ACTN2: variants seen among roughly 807,000 people sequenced by gnomAD.
The protein encoded by ACTN2 is actinin alpha 2.
Under a neutral mutation model 113.8 loss-of-function variants are expected in ACTN2, and 39 were observed. The observed-to-expected ratio is 0.34, with a 90% CI of 0.27 to 0.45. The LOEUF (loss-of-function observed/expected upper bound fraction) is 0.45. Among genes scored for constraint, ACTN2 ranks in the 20% least tolerant of loss-of-function variants. ACTN2 has a pLI of 1.00. For synonymous variants in ACTN2, 429 were observed against 444.1 expected (o/e 0.97, Z 0.43); for missense variants, 992 against 1,177.9 (o/e 0.84, Z 2.31).
intron 1 of ACTN2, among the ~76,000 whole-genome samples, chr1:236,716,099 C>CTTTTT (rs74259944): frequency 1.7e-5 from 2 of 118,134 alleles, no homozygotes; most frequent in Non-Finnish European, 3.5e-5. Context: ...CCTTCTTCTT[C>CTTTTT]TTTTTTTTTT....
rs2102954396 is a variant in ACTN2, at chr1:236,762,914, A to G, written c.*295A>G. ...GAACAAATTACTTGAGTAATAGGAA[A>G]TTAGGAGGATCTAGGGACAGAAGGA... On this transcript the variant is annotated 3_prime_UTR_variant, in exon 21 of 21. Transcript: ENST00000366578. 2.5e-6 allele frequency: 1 copy of G among 403,060 alleles called. No individual in the cohort carries two copies. Among genetic ancestry groups the G allele is most frequent in the South Asian group, 2.2e-5 (1 of 44,970 alleles). 25.0% of individuals were successfully genotyped at this position (403,060 alleles called of 1,614,324 possible).
At chr1:236,725,317 G>A (rs1658516110) in intron 4 of ACTN2, among the ~76,000 whole-genome samples, 1 of 152,112 alleles carries the variant, frequency 6.6e-6, no homozygotes, top group Non-Finnish European at 1.5e-5. Flanking sequence ...ACACAATGGG[G>A]TATACACAGT....
intron 1 of ACTN2, among the ~76,000 whole-genome samples, chr1:236,695,425 AAAAG>A: frequency 6.6e-6 from 1 of 151,750 alleles, no homozygotes; most frequent in South Asian, 2.1e-4. Flanking sequence ...AAAAAAAAAA[AAAAG>A]AACATCAATA....
intron 1 of ACTN2, among the ~76,000 whole-genome samples, chr1:236,703,434 T>A (rs76243832): frequency 0.022 from 1,861 of 86,024 alleles, 26 homozygotes; most frequent in African/African-American, 0.059. Flanking sequence ...GCCTACTACC[T>A]TTTTTTTTTT....
At chr1:236,686,865 C>T in intron 1 of ACTN2, 66 bp downstream of exon 1, 2 of 1,299,720 alleles carry the variant, frequency 1.5e-6, no homozygotes, top group Non-Finnish European at 2.0e-6. Context: ...CTCCCGTGCG[C>T]GTGGCCGCGT....
At chr1:236,715,830 C>T (rs1046735541) in intron 1 of ACTN2, among the ~76,000 whole-genome samples, 3 of 152,138 alleles carry the variant, frequency 2.0e-5, no homozygotes, top group Non-Finnish European at 4.4e-5. Flanking sequence ...GTGGCAGGCA[C>T]CTGTATTCCT....
At chr1:236,751,437 C>T (rs763350460) in intron 14 of ACTN2, 33 bp from the exon 15 acceptor site, 2 of 1,610,144 alleles carry the variant, frequency 1.2e-6, no homozygotes, top group Non-Finnish European at 1.7e-6. Flanking sequence ...ACTCAAGCCA[C>T]ATTGTTTTTC....
At chr1:236,742,863 A>G in intron 10 of ACTN2, 33 bp from the exon 11 acceptor site, 1 of 1,614,144 alleles carries the variant, frequency 6.2e-7, no homozygotes, top group East Asian at 2.2e-5. Flanking sequence ...TGCTTGTTAC[A>G]CATTTGCTTC....
chr1:236,746,389 G>A (rs1659239673), intron 12 of ACTN2, among the ~76,000 whole-genome samples: 1 of 151,998 alleles, frequency 6.6e-6, no homozygotes, highest in Admixed American at 6.6e-5. Flanking sequence ...TATCCCTGGA[G>A]GTACTGGGTT....
intron 18 of ACTN2, 95 bp from the exon 19 acceptor site, chr1:236,759,629 A>C (rs1315548332): frequency 2.9e-6 from 3 of 1,049,828 alleles, no homozygotes; most frequent in East Asian, 4.8e-5. Flanking sequence ...CAGAGCTCAA[A>C]GTGCTTCTCT....
intron 1 of ACTN2, among the ~76,000 whole-genome samples, chr1:236,709,071 A>G: frequency 6.6e-6 from 1 of 151,582 alleles, no homozygotes; most frequent in African/African-American, 2.4e-5. Context: ...CATTTTTAGA[A>G]CAGCAGTTTA....
intron 13 of ACTN2, 31 bp from the exon 14 acceptor site, chr1:236,749,093 A>G (rs1418510507): frequency 1.9e-6 from 3 of 1,613,218 alleles, no homozygotes; most frequent in Non-Finnish European, 2.5e-6. Flanking sequence ...TAATTAGTCT[A>G]TGATAATGCT....
intron 6 of ACTN2, among the ~76,000 whole-genome samples, chr1:236,730,626 T>C (rs1028806981): frequency 7.9e-5 from 12 of 152,210 alleles, no homozygotes; most frequent in Admixed American, 4.6e-4. Context: ...TTTGCTATGT[T>C]ATGTATATTT....
intron 5 of ACTN2, 51 bp from the exon 6 acceptor site, chr1:236,727,627 C>T: frequency 6.3e-7 from 1 of 1,595,990 alleles, no homozygotes; most frequent in Non-Finnish European, 8.6e-7. Context: ...ATGCTGGCTG[C>T]TTCTTTCTCT....
chr1:236,762,627 C>T lies in ACTN2; in HGVS notation c.*8C>T, dbSNP rs750971577. On this transcript the variant is annotated 3_prime_UTR_variant, in exon 21 of 21. Transcript: ENST00000366578. ...GGGGAGAGCGATCTGTGATGCTGAG[C>T]TTCTGTAATCACTCATCCCATCAGA... The T allele has an allele frequency of 5.6e-6, 9 of 1,613,442 alleles. No homozygotes were observed. Among genetic ancestry groups the T allele is most frequent in the Admixed American group, 3.3e-5 (2 of 59,954 alleles).
Position 236,739,465 on chromosome 1 carries a change from C to T in ACTN2, c.1040C>T (p.Thr347Met), listed in dbSNP as rs727504590. 9.2e-5 allele frequency: 148 copies of T among 1,614,200 alleles called. No homozygotes were observed. The East Asian group carries it at 1.9e-3, about 21-fold the overall frequency. The change falls in exon 10 of 21, where the codon ACG becomes ATG. Residue 347 changes from threonine to methionine, a missense_variant. Transcript: ENST00000366578. ...TGCCAGCTGGAGATCAACTTCAACA[C>T]GCTGCAGACCAAGCTGCGGATCAGC... is the stretch of plus-strand genomic sequence containing the variant. ...EKCQLEINFNTLQTKLRISNR... is the reference protein window; with the variant it reads ...EKCQLEINFNMLQTKLRISNR...
rs199910162 is a variant in ACTN2 at position 236,717,885 on chromosome 1, C to A, written c.154C>A (p.Leu52Ile). ...KTFTAWCNSH[L>I]RKAGTQIENI... ...CTTCACTGCCTGGTGTAACTCCCAC[C>A]TAAGGAAAGCCGGCACCCAGATTGA... The change falls in exon 2 of 21, where the codon CTA becomes ATA. Residue 52 changes from leucine (L) to isoleucine (I), a missense_variant. Leu to Ile is a conservative substitution (Grantham distance 5). Transcript: ENST00000366578. 6.2e-7 allele frequency: 1 copy of A among 1,613,974 alleles called. No individual in the cohort carries two copies. Among genetic ancestry groups the A allele is most frequent in the Admixed American group, 1.7e-5 (1 of 59,984 alleles).
chr1:236,736,693 G>T (rs762123899), intron 8 of ACTN2: 54 of 1,435,092 alleles, frequency 3.8e-5, no homozygotes, highest in Admixed American at 2.0e-5. Context: ...TCCTGCCCCA[G>T]TTATTTTTGC....
At chr1:236,715,218 A>T (rs573406382) in intron 1 of ACTN2, among the ~76,000 whole-genome samples, 124 of 150,332 alleles carry the variant, frequency 8.2e-4, no homozygotes, top group African/African-American at 2.9e-3. Flanking sequence ...TAGGTTTGTT[A>T]CATATGTATA....
Sources: allele counts gnomAD v4.1 joint callset (sites outside exome capture counted in the v4.1 genomes callset), GRCh38; gene constraint gnomAD v4.1.1; transcripts MANE v1.5; gene names NCBI Gene and HGNC (gene_info 2026-07-23, HGNC 2026-07-21).